The following KIAA0513 variants were observed in gnomAD, a reference collection of about 807,000 sequenced individuals.
KIAA0513 encodes KIAA0513.
In KIAA0513, 39 loss-of-function variants were observed where a neutral mutation model predicts 56.5. The ratio of observed to expected loss-of-function variants is 0.69; its 90% CI spans 0.53 to 0.90. The LOEUF (loss-of-function observed/expected upper bound fraction) is 0.90. Among genes scored for constraint, KIAA0513 ranks in the 40% least tolerant of loss-of-function variants. The pLI is 0.00. For synonymous variants in KIAA0513, 268 were observed against 215.6 expected (o/e 1.24, Z -2.13); for missense variants, 591 against 535.2 (o/e 1.10, Z -1.03).
At chr16:85,058,469 G>A (rs553652008) in intron 1 of KIAA0513, among the ~76,000 whole-genome samples, 44 of 152,198 alleles carry the variant, frequency 2.9e-4, no homozygotes, top group Admixed American at 2.8e-3. Context: ...CCTGATCAAC[G>A]TGGTGAAACC....
chr16:85,084,322 T>A (rs1012727358), intron 10 of KIAA0513, among the ~76,000 whole-genome samples: 26 of 151,686 alleles, frequency 1.7e-4, no homozygotes, highest in African/African-American at 6.3e-4. Context: ...CTCGGCTCAC[T>A]GTAACCTCTG....
chr16:85,057,190 C>T (rs1426044632), intron 1 of KIAA0513, among the ~76,000 whole-genome samples: 1 of 152,116 alleles, frequency 6.6e-6, no homozygotes, highest in Non-Finnish European at 1.5e-5. Context: ...CCCCTGTGGT[C>T]AGGAATTGTG....
intron 1 of KIAA0513, among the ~76,000 whole-genome samples, chr16:85,051,730 A>G (rs1257587656): frequency 2.6e-5 from 4 of 152,040 alleles, no homozygotes; most frequent in Non-Finnish European, 4.4e-5. Flanking sequence ...TGATATGATT[A>G]TTAGACTCCC....
intron 1 of KIAA0513, among the ~76,000 whole-genome samples, chr16:85,050,186 C>G (rs913859039): frequency 5.3e-5 from 8 of 152,060 alleles, no homozygotes; most frequent in South Asian, 2.1e-4. Flanking sequence ...CAGGAATTAC[C>G]TAGGACCAAT....
At chr16:85,031,783 A>C (rs1162569656) in intron 1 of KIAA0513, among the ~76,000 whole-genome samples, 2 of 152,208 alleles carry the variant, frequency 1.3e-5, no homozygotes, top group Non-Finnish European at 2.9e-5. Context: ...TAATAGTCAA[A>C]ATAATGTTCC....
rs111564818 is a variant in KIAA0513 at position 85,078,764 on chromosome 16, C to T, written c.824-161C>T. Reference sequence around the variant, plus strand: ...CCTTATTGCCGGGTGGGAATAGCACCGTTACTGGCTATGGCTAGCAGAAAA... The same window carrying T: ...CCTTATTGCCGGGTGGGAATAGCACTGTTACTGGCTATGGCTAGCAGAAAA... On this transcript the variant is annotated intron_variant, in intron 7 of 12. Transcript: ENST00000683363. 1,481 of 248,448 alleles carry T rather than the reference C, an allele frequency of 6.0e-3. 21 individuals carry two copies. Among genetic ancestry groups the T allele is most frequent in the African/African-American group, 0.033 (1,420 of 43,300 alleles). The allele number at this position is 248,448 out of a possible 1,614,324, so 15.4% of individuals were successfully genotyped here.
chr16:85,075,054 A>G (rs1434235825), intron 4 of KIAA0513, among the ~76,000 whole-genome samples: 1 of 119,700 alleles, frequency 8.4e-6, no homozygotes, highest in Non-Finnish European at 1.9e-5. Context: ...AACAAAGTGA[A>G]ACAAAAACCC....
chr16:85,071,866 G>A lies in KIAA0513; in HGVS notation c.413G>A (p.Arg138Gln), dbSNP rs911750587. ...ENGKGREWFA[R>Q]YVSAQRCNSK... Reference sequence around the variant, plus strand: ...GGAAAAGGCCGGGAGTGGTTTGCTCGATACGTGAGTGCCCAGGTAAGGGCG... The same window carrying A: ...GGAAAAGGCCGGGAGTGGTTTGCTCAATACGTGAGTGCCCAGGTAAGGGCG... The change falls in exon 3 of 13, where the codon CGA becomes CAA. Residue 138 changes from arginine to glutamine, a missense_variant. Transcript: ENST00000683363. 6.8e-6 allele frequency: 11 copies of A among 1,610,944 alleles called. No individual in the cohort carries two copies. Among genetic ancestry groups the A allele is most frequent in the Middle Eastern group, 1.6e-4 (1 of 6,082 alleles).
chr16:85,033,871 C>G (rs2073000034), intron 1 of KIAA0513, among the ~76,000 whole-genome samples: 1 of 152,180 alleles, frequency 6.6e-6, no homozygotes, highest in Non-Finnish European at 1.5e-5. Flanking sequence ...TTGTCTCTCC[C>G]TGCCCCACCC....
rs1025126196 is a variant in KIAA0513, at chr16:85,092,810, T to C, written c.*4485T>C. 3 of 152,256 alleles carry C rather than the reference T, an allele frequency of 2.0e-5. No individual in the cohort carries two copies. The highest frequency in any genetic ancestry group is 4.4e-5 in the Non-Finnish European group (3 of 68,086). 9.4% of individuals were successfully genotyped at this position (152,256 alleles called of 1,614,324 possible). ...GCTAAGACCACAGACAGAGCAGGGC[T>C]TCCCGGAGCCACACAGGCCACGCAC... On this transcript the variant is annotated 3_prime_UTR_variant, in exon 13 of 13. Coordinates refer to ENST00000683363, the MANE Select transcript of KIAA0513 (RefSeq NM_001388359.1).
chr16:85,068,389 G>A (rs1240324006), intron 2 of KIAA0513, among the ~76,000 whole-genome samples: 1 of 150,800 alleles, frequency 6.6e-6, no homozygotes, highest in East Asian at 2.0e-4. Context: ...CTGGAATGCA[G>A]TGGCGTGATC....
At chr16:85,065,165 T>TG (rs1278859662) in intron 1 of KIAA0513, among the ~76,000 whole-genome samples, 1 of 152,250 alleles carries the variant, frequency 6.6e-6, no homozygotes, top group Non-Finnish European at 1.5e-5. Context: ...CCGGGCATGT[T>TG]ACTGTGTGTG....
chr16:85,066,485 T>G (rs907865383), intron 1 of KIAA0513, among the ~76,000 whole-genome samples: 2 of 151,866 alleles, frequency 1.3e-5, no homozygotes, highest in African/African-American at 4.8e-5. Flanking sequence ...GCTCAGGAGG[T>G]GAGGTGTGTC....
intron 12 of KIAA0513, 69 bp downstream of exon 12, chr16:85,087,235 T>C (rs1450007924): frequency 7.9e-7 from 1 of 1,272,708 alleles, no homozygotes; most frequent in East Asian, 2.3e-5. Flanking sequence ...CTGTGCCCGC[T>C]GGCGCTTCTG....
intron 2 of KIAA0513, among the ~76,000 whole-genome samples, chr16:85,070,032 A>G (rs1189126374): frequency 1.3e-5 from 2 of 151,656 alleles, no homozygotes; most frequent in African/African-American, 4.8e-5. Context: ...TTAGCCAGGC[A>G]TGGTGGCATG....
rs1170830334 is a variant in KIAA0513, at chr16:85,081,757, C to G, written c.980+365C>G. ...TGGAGCAGGGTCCTGGGAGGAAGGG[C>G]TGGCCACCATCCCCGAGACTGCCCT... On this transcript the variant is annotated intron_variant, in intron 9 of 12. Coordinates refer to ENST00000683363, the MANE Select transcript of KIAA0513 (RefSeq NM_001388359.1). The surrounding 1 kb of genome is among the most constrained non-coding windows in gnomAD (Gnocchi z 4.4). Among the ~76,000 whole-genome samples the G allele has an allele frequency of 6.6e-6, 1 of 152,246 alleles. No individual in the cohort carries two copies. Among genetic ancestry groups the G allele is most frequent in the African/African-American group, 2.4e-5 (1 of 41,462 alleles).
In KIAA0513 at chr16:85,083,152, C is replaced by G. The variant is rs550407892; in HGVS notation, c.1010+559C>G. 2.9e-4 allele frequency among the ~76,000 whole-genome samples: 44 copies of G among 152,334 alleles called. No individual in the cohort carries two copies. The East Asian group carries it at 8.5e-3, about 29-fold the overall frequency. On this transcript the variant is annotated intron_variant, in intron 10 of 12. Coordinates refer to ENST00000683363, the MANE Select transcript of KIAA0513 (RefSeq NM_001388359.1). ...GAAGAAGGACACACTCCCACTTTCC[C>G]AGCCACTCGGATGGGGGTGCGAGGG...
At chr16:85,057,552 A>G (rs1449451592) in intron 1 of KIAA0513, among the ~76,000 whole-genome samples, 3 of 152,210 alleles carry the variant, frequency 2.0e-5, no homozygotes, top group East Asian at 1.9e-4. Context: ...CACATTGACA[A>G]CATCTCTTAT....
intron 1 of KIAA0513, among the ~76,000 whole-genome samples, chr16:85,053,305 T>C (rs958974413): frequency 1.3e-5 from 2 of 152,258 alleles, no homozygotes; most frequent in African/African-American, 4.8e-5. Flanking sequence ...ACCCAGCGAA[T>C]GAATGAATTT....
Sources: gnomAD v4.1 joint callset for allele counts (sites outside exome capture counted in the v4.1 genomes callset) on GRCh38, gnomAD v4.1.1 for gene constraint, Gnocchi (gnomAD v3.1) non-coding constraint, MANE v1.5 for transcripts, NCBI Gene and HGNC (gene_info 2026-07-23, HGNC 2026-07-21) for gene names.